NT5DC1: variants seen among roughly 807,000 people sequenced by gnomAD.
NT5DC1 encodes 5'-nucleotidase domain containing 1, also known as 5'-nucleotidase domain-containing protein 1.
NT5DC1 carries 42 observed loss-of-function variants against 59.4 expected under a neutral mutation model. The ratio of observed to expected loss-of-function variants is 0.71; its 90% CI spans 0.55 to 0.92. The LOEUF (loss-of-function observed/expected upper bound fraction) is 0.92, where lower values mean the gene tolerates loss of function less well. NT5DC1 is among the 40% of genes least tolerant of loss of function. NT5DC1 has a pLI of 0.00. For missense variants in NT5DC1, 501 were observed against 537.1 expected, an observed-to-expected ratio of 0.93 and a Z score of 0.66; for synonymous variants, 172 against 188.1, an observed-to-expected ratio of 0.91 and a Z score of 0.70.
At chr6:116,167,916 G>A (rs917046450) in intron 6 of NT5DC1, among the ~76,000 whole-genome samples, 1 of 151,972 alleles carries the variant, frequency 6.6e-6, no homozygotes, top group Admixed American at 6.6e-5. Context: ...TTTTAATGGA[G>A]GTCTAGGTTA....
At chr6:116,228,177 T>C (rs1781945286) in intron 8 of NT5DC1, among the ~76,000 whole-genome samples, 2 of 152,202 alleles carry the variant, frequency 1.3e-5, no homozygotes, top group African/African-American at 4.8e-5. Context: ...TCAGCGTATA[T>C]AGGATTTCAT....
intron 6 of NT5DC1, chr6:116,118,795 C>G (rs1258921002): frequency 6.6e-6 from 1 of 152,146 alleles, no homozygotes; most frequent in Non-Finnish European, 1.5e-5. Context: ...AGCCCTTGAC[C>G]CTGACTCAGA....
rs150275558 is a variant in NT5DC1 at position 116,105,067 on chromosome 6, A to G, written c.94-1177A>G. Among the ~76,000 whole-genome samples, 1,451 of 152,322 alleles carry G rather than the reference A, an allele frequency of 9.5e-3. 10 individuals carry two copies. Among genetic ancestry groups the G allele is most frequent in the Non-Finnish European group, 0.013 (918 of 68,022 alleles). On this transcript the variant is annotated intron_variant, in intron 1 of 11. Coordinates refer to ENST00000319550, the MANE Select transcript of NT5DC1 (RefSeq NM_152729.3). ...TAACAGTTGACCTGGATAAGGTCAC[A>G]TTGCACTGGATGGAAGTACATGTGT...
intron 6 of NT5DC1, among the ~76,000 whole-genome samples, chr6:116,135,848 T>TATATATATATATATATATACAC (rs1779580319): frequency 2.8e-5 from 3 of 105,598 alleles, no homozygotes; most frequent in African/African-American, 1.5e-4. Context: ...TATATATATA[T>TATATATATATATATATATACAC]ATATATATAT....
chr6:116,192,889 A>G (rs943921162), intron 6 of NT5DC1, among the ~76,000 whole-genome samples: 2 of 152,014 alleles, frequency 1.3e-5, no homozygotes, highest in African/African-American at 4.8e-5. Context: ...CTCACGTTGC[A>G]TCTTCAGCAG....
At chr6:116,125,452 T>G (rs1779270271) in intron 6 of NT5DC1, 1 of 1,613,796 alleles carries the variant, frequency 6.2e-7, no homozygotes, top group Admixed American at 1.7e-5. Flanking sequence ...ATGAACCAAG[T>G]TCAAGGATAC....
intron 1 of NT5DC1, 50 bp downstream of exon 1, chr6:116,101,073 T>C (rs1778636192): frequency 1.4e-6 from 2 of 1,382,876 alleles, no homozygotes; most frequent in South Asian, 1.2e-5. Context: ...CCATGGCGGC[T>C]GGGGCTTGAG....
chr6:116,180,163 A>G (rs1489397378), intron 6 of NT5DC1, among the ~76,000 whole-genome samples: 1 of 152,062 alleles, frequency 6.6e-6, no homozygotes, highest in Admixed American at 6.6e-5. Context: ...TTTTAATTAC[A>G]GAGATAGTAT....
intron 6 of NT5DC1, among the ~76,000 whole-genome samples, chr6:116,171,101 C>T (rs1780595126): frequency 6.6e-6 from 1 of 151,686 alleles, no homozygotes; most frequent in Non-Finnish European, 1.5e-5. Flanking sequence ...TTTTTTAAAT[C>T]CCCAACATAG....
At chr6:116,168,266 T>G (rs1780522469) in intron 6 of NT5DC1, among the ~76,000 whole-genome samples, 1 of 152,010 alleles carries the variant, frequency 6.6e-6, no homozygotes. Context: ...TACTATCATT[T>G]ATGATCTTTC....
Position 116,107,423 on chromosome 6 carries a change from C to A in NT5DC1, c.186-941C>A, listed in dbSNP as rs182917934. Among the ~76,000 whole-genome samples the A allele has an allele frequency of 1.0e-3, 151 of 151,368 alleles. 1 individual carries two copies. The Middle Eastern group carries it at 0.01, about 10-fold the overall frequency. ...CCCTTGGTATTTGGTAGCCATTATA[C>A]CACTTTGCTTTTATTATTCATAATA... On this transcript the variant is annotated intron_variant, in intron 2 of 11. Transcript: ENST00000319550.
intron 6 of NT5DC1, among the ~76,000 whole-genome samples, chr6:116,166,930 AGTATC>A (rs1187958718): frequency 6.6e-6 from 1 of 152,180 alleles, no homozygotes; most frequent in Non-Finnish European, 1.5e-5. Context: ...GAGCCAAGGA[AGTATC>A]TTGCCTTCCT....
At chr6:116,201,198 G>A (rs1311856621) in intron 6 of NT5DC1, among the ~76,000 whole-genome samples, 1 of 151,972 alleles carries the variant, frequency 6.6e-6, no homozygotes, top group Non-Finnish European at 1.5e-5. Flanking sequence ...CAATACATGA[G>A]CAGATAAAAA....
At chr6:116,208,239 C>T (rs1781499221) in intron 6 of NT5DC1, among the ~76,000 whole-genome samples, 1 of 151,976 alleles carries the variant, frequency 6.6e-6, no homozygotes, top group South Asian at 2.1e-4. Context: ...GTCTGCTTTG[C>T]CCGGAGGCAT....
intron 2 of NT5DC1, among the ~76,000 whole-genome samples, chr6:116,107,018 C>T (rs1249729086): frequency 6.6e-6 from 1 of 151,728 alleles, no homozygotes; most frequent in Admixed American, 6.6e-5. Context: ...TGACGAAACC[C>T]CAACTCTGCA....
intron 6 of NT5DC1, among the ~76,000 whole-genome samples, chr6:116,202,415 C>T (rs959275662): frequency 6.6e-6 from 1 of 151,916 alleles, no homozygotes; most frequent in African/African-American, 2.4e-5. Context: ...GTTTTGTTCG[C>T]CATACTCTTT....
Position 116,243,949 on chromosome 6 carries a change from C to A in NT5DC1, c.1293C>A (p.Ser431Arg). 1 of 1,576,938 alleles carries A rather than the reference C, an allele frequency of 6.3e-7. No homozygotes were observed. Among genetic ancestry groups the A allele is most frequent in the Non-Finnish European group, 8.7e-7 (1 of 1,151,036 alleles). Reference sequence around the variant, plus strand: ...ACAAATTTACAAGATTCTCTTCAAGCAATTCAAAAACAGCTGGCTACTATC... The same window carrying A: ...ACAAATTTACAAGATTCTCTTCAAGAAATTCAAAAACAGCTGGCTACTATC... Reference protein sequence around the residue: ...LDYKFTRFSSSNSKTAGYYPN... With the variant: ...LDYKFTRFSSRNSKTAGYYPN... The change falls in exon 12 of 12, where the codon AGC (serine) becomes AGA (arginine). Residue 431 changes from serine to arginine, a missense_variant. Ser to Arg is a moderately radical substitution (Grantham distance 110). Transcript: ENST00000319550.
intron 6 of NT5DC1, among the ~76,000 whole-genome samples, chr6:116,183,828 T>C (rs140930530): frequency 0.016 from 2,464 of 151,968 alleles, 37 homozygotes; most frequent in Middle Eastern, 0.034. Flanking sequence ...TCTAGGTATA[T>C]GATCATGTCA....
chr6:116,165,797 G>C (rs117292505), intron 6 of NT5DC1, among the ~76,000 whole-genome samples: 1 of 152,212 alleles, frequency 6.6e-6, no homozygotes, highest in East Asian at 1.9e-4. Flanking sequence ...CCAGGGACCT[G>C]CTGGTCCCCT....
Sources: gnomAD v4.1 joint callset for allele counts (sites outside exome capture counted in the v4.1 genomes callset) on GRCh38, gnomAD v4.1.1 for gene constraint, MANE v1.5 for transcripts, NCBI Gene and HGNC (gene_info 2026-07-23, HGNC 2026-07-21) for gene names.